The following RTTN variants were observed in gnomAD, a reference collection of about 807,000 sequenced individuals.
The protein encoded by RTTN is rotatin.
RTTN carries 182 observed loss-of-function variants against 269.2 expected under a neutral mutation model. The ratio of observed to expected loss-of-function variants is 0.68; its 90% CI spans 0.60 to 0.76. The LOEUF is 0.76. Ranked by LOEUF, RTTN falls within the 30% of genes least tolerant of loss-of-function variation. The pLI is 0.00. For missense variants in RTTN, 2,545 were observed against 2,608.6 expected (o/e 0.98, Z 0.53); for synonymous variants, 1,006 against 963.5 (o/e 1.04, Z -0.82).
At chr18:70,183,165 C>T (rs2061457530) in intron 10 of RTTN, among the ~76,000 whole-genome samples, 1 of 152,196 alleles carries the variant, frequency 6.6e-6, no homozygotes, top group African/African-American at 2.4e-5. Context: ...GAGAGTCCTA[C>T]TATACCTGAA....
chr18:70,114,578 G>A lies in RTTN; in HGVS notation c.3550C>T (p.Leu1184Phe). 6.2e-7 allele frequency: 1 copy of A among 1,612,670 alleles called. No individual in the cohort carries two copies. The highest frequency in any genetic ancestry group is 8.5e-7 in the Non-Finnish European group (1 of 1,179,294). The change falls in exon 27 of 49, where the codon CTC (leucine) becomes TTC (phenylalanine). Residue 1184 changes from leucine to phenylalanine, a missense_variant. By Grantham distance (22) the Leu-to-Phe change is conservative. Coordinates refer to ENST00000640769, the MANE Select transcript of RTTN (RefSeq NM_173630.4). ...LRHSANPLLD[L>F]LVLTESQARE... The stretch of plus-strand genomic sequence containing the variant: ...GCCTGTGACTCTGTCAGAACCAAGA[G>A]GTCTAACAGTGGGTTTGCACTCTAA...
chr18:70,019,604 C>G (rs1599127757), intron 45 of RTTN: 1 of 152,094 alleles, frequency 6.6e-6, no homozygotes, highest in East Asian at 1.9e-4. Context: ...AAGATTTGTA[C>G]AGTTCGCTGA....
At chr18:70,188,252 G>A (rs747658244) in intron 9 of RTTN, 29 bp from the exon 10 acceptor site, 14 of 1,231,062 alleles carry the variant, frequency 1.1e-5, no homozygotes, top group Admixed American at 1.8e-5. Context: ...AAAAGTAAAG[G>A]AGAAGAAGTT....
intron 14 of RTTN, among the ~76,000 whole-genome samples, chr18:70,156,881 C>G (rs1599820548): frequency 2.6e-5 from 4 of 152,286 alleles, no homozygotes; most frequent in Admixed American, 2.6e-4. Context: ...GGCTATCTTT[C>G]CCACAAGACT....
intron 8 of RTTN, among the ~76,000 whole-genome samples, chr18:70,191,047 C>T (rs577561961): frequency 4.3e-4 from 65 of 151,866 alleles, no homozygotes; most frequent in African/African-American, 1.4e-3. Flanking sequence ...AAAAAAAATT[C>T]GCTGGGCATG....
chr18:70,201,805 G>T, intron 4 of RTTN, 89 bp downstream of exon 4: 1 of 749,396 alleles, frequency 1.3e-6, no homozygotes, highest in Non-Finnish European at 2.2e-6. Flanking sequence ...ATTCAAGTTT[G>T]GTAAAAATAC....
In RTTN at chr18:70,109,528, G is replaced by A; in HGVS notation, c.3873C>T (p.Ile1291=). Reference sequence around the variant, plus strand: ...GGAGACCTGACAAGTACTTCACACAGATATCTAGAGGCTTTGTGAGAGGAG... The same window carrying A: ...GGAGACCTGACAAGTACTTCACACAAATATCTAGAGGCTTTGTGAGAGGAG... ...SHSPLTKPLD[I]CVKYLSGLLE... is the part of the protein sequence containing the mutation. The change falls in exon 28 of 49, where the codon ATC becomes ATT. Residue 1291 remains isoleucine (I), a synonymous_variant. Coordinates refer to ENST00000640769, the MANE Select transcript of RTTN (RefSeq NM_173630.4). 2 of 1,614,018 alleles carry A rather than the reference G, an allele frequency of 1.2e-6. No individual in the cohort carries two copies. Among genetic ancestry groups the A allele is most frequent in the Non-Finnish European group, 1.7e-6 (2 of 1,179,972 alleles).
Position 70,093,559 on chromosome 18 carries a change from T to C in RTTN, c.3904-755A>G, listed in dbSNP as rs181988665. ...GACTTTTCTGCATCTATTGAGATAA[T>C]CATGTGGTTTTTCTCACTGGTTCTG... On this transcript the variant is annotated intron_variant, in intron 28 of 48. Transcript: ENST00000640769. Among the ~76,000 whole-genome samples the C allele has an allele frequency of 2.4e-4, 36 of 152,328 alleles. No homozygotes were observed. The East Asian group carries it at 3.9e-3, about 16-fold the overall frequency.
chr18:70,166,543 A>C (rs1337523696), intron 13 of RTTN: 2 of 201,880 alleles, frequency 9.9e-6, no homozygotes, highest in Non-Finnish European at 2.0e-5. Flanking sequence ...CTTTTCTAAA[A>C]ATCCACATAA....
chr18:70,089,874 G>A (rs1424134421), intron 30 of RTTN, among the ~76,000 whole-genome samples: 1 of 152,136 alleles, frequency 6.6e-6, no homozygotes, highest in African/African-American at 2.4e-5. Context: ...AAAATGCAAA[G>A]GGAGAGAGAT....
intron 23 of RTTN, chr18:70,131,354 T>C (rs1319941030): frequency 6.6e-6 from 1 of 150,884 alleles, no homozygotes; most frequent in Non-Finnish European, 1.5e-5. Context: ...ATTTAAAATA[T>C]GTATAGAATT....
chr18:70,102,222 T>C (rs1293423034), intron 28 of RTTN, among the ~76,000 whole-genome samples: 3 of 152,216 alleles, frequency 2.0e-5, no homozygotes, highest in African/African-American at 7.2e-5. Flanking sequence ...AGTCTCTTTG[T>C]AGGTCTCTAA....
In RTTN at chr18:70,130,829, G is replaced by GA. The variant is rs566792930; in HGVS notation, c.2955-2284_2955-2283insT. 28 of 151,936 alleles carry GA rather than the reference G, an allele frequency of 1.8e-4. No individual in the cohort carries two copies. The East Asian group carries it at 5.2e-3, about 28-fold the overall frequency. The allele number at this position is 151,936 out of a possible 1,614,324, so 9.4% of individuals were successfully genotyped here. On this transcript the variant is annotated intron_variant, in intron 23 of 48. Transcript: ENST00000640769. ...CACAGAGAATCAATAAATGTTAGAG[G>GA]TAATGGACATCCTAATTACTCTGAT... is the stretch of plus-strand genomic sequence containing the variant.
intron 37 of RTTN, among the ~76,000 whole-genome samples, chr18:70,055,339 T>C (rs1371582617): frequency 6.6e-6 from 1 of 151,902 alleles, no homozygotes; most frequent in Non-Finnish European, 1.5e-5. Context: ...ACACACACTT[T>C]TTTTCCTCTC....
intron 40 of RTTN, among the ~76,000 whole-genome samples, chr18:70,031,679 C>G (rs2057016036): frequency 6.6e-6 from 1 of 150,678 alleles, no homozygotes; most frequent in South Asian, 2.1e-4. Context: ...AAAATCAAAA[C>G]TAGAAATTTC....
At chr18:70,127,331 T>C (rs2145609505) in intron 25 of RTTN, among the ~76,000 whole-genome samples, 171 bp downstream of exon 25, 1 of 152,306 alleles carries the variant, frequency 6.6e-6, no homozygotes, top group East Asian at 1.9e-4. Flanking sequence ...ATGCAATAAC[T>C]AAATTAAAAA....
intron 14 of RTTN, 96 bp from the exon 15 acceptor site, chr18:70,150,829 G>T: frequency 1.0e-6 from 1 of 1,002,842 alleles, no homozygotes; most frequent in Non-Finnish European, 1.4e-6. Flanking sequence ...TTCTATTTTA[G>T]TTTTTACTTC....
chr18:70,187,121 T>C (rs1262843573), intron 10 of RTTN, among the ~76,000 whole-genome samples: 3 of 152,212 alleles, frequency 2.0e-5, no homozygotes, highest in Non-Finnish European at 2.9e-5. Flanking sequence ...ACATAATTTA[T>C]ATTAACAATA....
intron 15 of RTTN, 140 bp from the exon 16 acceptor site, chr18:70,150,227 C>G (rs1465325956): frequency 1.6e-6 from 1 of 633,460 alleles, no homozygotes; most frequent in African/African-American, 1.8e-5. Context: ...ACTTCCACAG[C>G]ATCATCTTAC....
Sources: allele counts gnomAD v4.1 joint callset (sites outside exome capture counted in the v4.1 genomes callset), GRCh38; gene constraint gnomAD v4.1.1; transcripts MANE v1.5; gene names NCBI Gene and HGNC (gene_info 2026-07-23, HGNC 2026-07-21).